TSHZ3: variants seen among roughly 807,000 people sequenced by gnomAD.
TSHZ3 encodes the protein teashirt zinc finger homeobox 3, also known as teashirt homolog 3.
A neutral mutation model predicts 64.5 loss-of-function variants in TSHZ3; 10 were observed. That is an observed-to-expected ratio of 0.16 (90% CI 0.10 to 0.26). The LOEUF (loss-of-function observed/expected upper bound fraction) is 0.26. TSHZ3 is among the 10% of genes least tolerant of loss of function. TSHZ3 has a pLI of 1.00. For synonymous variants in TSHZ3, 608 were observed against 593.1 expected (o/e 1.03, Z -0.36); for missense variants, 1,242 against 1,421.7 (o/e 0.87, Z 2.03).
At position 31,257,922 on chromosome 19, in the gene TSHZ3, T is replaced by C. The variant is rs191117185; in HGVS notation, n.64-15047A>G. On this transcript the variant is annotated intron_variant and non_coding_transcript_variant, in intron 1 of 6. Transcript: ENST00000651361. ...ACATGGGTCTTTGCCGAGGGCTAGA[T>C]TTTCCCAAACTTGGAGCCAAGCATT... Among the ~76,000 whole-genome samples the C allele has an allele frequency of 8.3e-4, 127 of 152,298 alleles. 2 individuals carry two copies. Among genetic ancestry groups the C allele is most frequent in the African/African-American group, 2.7e-3 (114 of 41,560 alleles).
intron 1 of TSHZ3, chr19:31,348,907 G>T (rs1599665638): frequency 2.4e-6 from 1 of 409,182 alleles, no homozygotes; most frequent in South Asian, 5.8e-5. Context: ...TGCAGCCGGA[G>T]AGCTGAGGAG....
In TSHZ3 at chr19:31,306,995, G is replaced by A. The variant is rs1916317799; in HGVS notation, c.41-27243C>T. On this transcript the variant is annotated intron_variant, in intron 1 of 1. Transcript: ENST00000240587. ...AGTCCTCCTTTCTAAATATTTCTTT[G>A]ACTATTTCTTTGTATTCCACCTCAT... 2.0e-5 allele frequency among the ~76,000 whole-genome samples: 3 copies of A among 151,774 alleles called. No individual in the cohort carries two copies. The South Asian group carries it at 6.3e-4, about 32-fold the overall frequency.
intron 1 of TSHZ3, among the ~76,000 whole-genome samples, chr19:31,294,697 C>T (rs943952946): frequency 6.6e-6 from 1 of 152,164 alleles, no homozygotes; most frequent in Admixed American, 6.5e-5. Flanking sequence ...AATCTATTGA[C>T]TGGTTGGCAT....
chr19:31,155,141 A>G (rs543619447), intron 6 of TSHZ3, among the ~76,000 whole-genome samples: 1 of 152,326 alleles, frequency 6.6e-6, no homozygotes, highest in South Asian at 2.1e-4. Context: ...AATCACCTGC[A>G]CTGTCTCCAT....
intron 1 of TSHZ3, among the ~76,000 whole-genome samples, chr19:31,289,187 T>C (rs1463556714): frequency 1.3e-5 from 2 of 152,310 alleles, no homozygotes; most frequent in East Asian, 3.9e-4. Context: ...CTGTCGGGAA[T>C]CTGGGAGGCA....
rs1297454116 is a variant in TSHZ3 at position 31,278,816 on chromosome 19, A to C, written c.977T>G (p.Leu326Arg). Residue 326 changes from leucine to arginine, a missense_variant, in exon 2 of 2, where the codon CTG becomes CGG. Physicochemically the swap from Leu to Arg is moderately radical, Grantham distance 102. This residue lies in a region of TSHZ3 where 555 missense variants were observed against 704.0 expected (regional missense o/e 0.79). Coordinates refer to ENST00000240587, the MANE Select transcript of TSHZ3 (RefSeq NM_020856.4). The surrounding 1 kb of genome is among the most constrained non-coding windows in gnomAD (Gnocchi z 4.7). ...TGGGGAGCTGGGGAGCTCCAGCTCCAGGGAAGCTTTCTTCCGAGTGGCAGG... is the reference window on the plus strand; with the variant it reads ...TGGGGAGCTGGGGAGCTCCAGCTCCCGGGAAGCTTTCTTCCGAGTGGCAGG... ...IIPATRKKAS[L>R]ELELPSSPDS... The C allele has an allele frequency of 1.2e-6, 2 of 1,614,074 alleles. No homozygotes were observed. Among genetic ancestry groups the C allele is most frequent in the African/African-American group, 2.7e-5 (2 of 74,940 alleles).
chr19:31,190,227 A>G (rs1224829364), intron 5 of TSHZ3, among the ~76,000 whole-genome samples: 1 of 152,208 alleles, frequency 6.6e-6, no homozygotes, highest in African/African-American at 2.4e-5. Context: ...CAATCTACGT[A>G]GATGTTCCCT....
At chr19:31,188,574 A>G (rs148133981) in intron 5 of TSHZ3, among the ~76,000 whole-genome samples, 113 of 152,070 alleles carry the variant, frequency 7.4e-4, no homozygotes, top group African/African-American at 2.6e-3. Context: ...AGTTCATCAT[A>G]TGGTTTTTTC....
At chr19:31,163,560 A>T (rs1974398944) in intron 5 of TSHZ3, among the ~76,000 whole-genome samples, 1 of 152,010 alleles carries the variant, frequency 6.6e-6, no homozygotes, top group African/African-American at 2.4e-5. Context: ...GGTGAAACCC[A>T]CCTCTACTAA....
At chr19:31,326,006 A>G (rs571593069) in intron 1 of TSHZ3, among the ~76,000 whole-genome samples, 1 of 152,290 alleles carries the variant, frequency 6.6e-6, no homozygotes, top group Non-Finnish European at 1.5e-5. Flanking sequence ...ACCTAGTTTA[A>G]AACTTTAACA....
chr19:31,203,609 G>A (rs534101513), intron 5 of TSHZ3, among the ~76,000 whole-genome samples: 7 of 152,110 alleles, frequency 4.6e-5, no homozygotes, highest in Middle Eastern at 3.4e-3. Flanking sequence ...TCCAGCCCTC[G>A]GGACGGTCAC....
upstream of TSHZ3, among the ~76,000 whole-genome samples, chr19:31,350,064 G>A (rs866283799): frequency 6.4e-3 from 437 of 68,410 alleles, 4 homozygotes; most frequent in African/African-American, 0.023. Flanking sequence ...TTCCCACCCA[G>A]CGTTCGTCCC....
rs1976265885 is a variant in TSHZ3, at chr19:31,277,580, T to C, written c.2213A>G (p.Lys738Arg). Residue 738 changes from lysine to arginine, a missense_variant, in exon 2 of 2, where the codon AAG (lysine) becomes AGG (arginine). By Grantham distance (26) the Lys-to-Arg change is conservative (BLOSUM62 2). This residue lies in a region of TSHZ3 where 550 missense variants were observed against 545.1 expected (regional missense o/e 1.01). Transcript: ENST00000240587. The surrounding 1 kb of genome is among the most constrained non-coding windows in gnomAD (Gnocchi z 4.5). ...VMNIHLGKAA[K>R]PSLPALDPMS... ...GGGGTCCAGGGCAGGCAGGGAGGGCTTGGCGGCCTTGCCCAGGTGAATGTT... is the reference window on the plus strand; with the variant it reads ...GGGGTCCAGGGCAGGCAGGGAGGGCCTGGCGGCCTTGCCCAGGTGAATGTT... The C allele has an allele frequency of 6.3e-7, 1 of 1,596,424 alleles. No individual in the cohort carries two copies. The highest frequency in any genetic ancestry group is 1.1e-5 in the South Asian group (1 of 88,372).
chr19:31,293,916 C>T (rs1976618531), intron 1 of TSHZ3, among the ~76,000 whole-genome samples: 1 of 152,164 alleles, frequency 6.6e-6, no homozygotes, highest in East Asian at 1.9e-4. Flanking sequence ...TAGAAGTTTC[C>T]ACCACCTTCC....
At position 31,294,744 on chromosome 19, in the gene TSHZ3, A is replaced by G. The variant is rs373392026; in HGVS notation, c.41-14992T>C. ...TTTCCTCTTAAGTATCCCATCTCAC[A>G]TTTTTATATTGACACTTATATAGTC... is the stretch of plus-strand genomic sequence containing the variant. On this transcript the variant is annotated intron_variant, in intron 1 of 1. Coordinates refer to ENST00000240587, the MANE Select transcript of TSHZ3 (RefSeq NM_020856.4). 1.8e-4 allele frequency among the ~76,000 whole-genome samples: 27 copies of G among 152,260 alleles called. No homozygotes were observed. In the East Asian group the frequency reaches 4.8e-3, roughly 27 times the overall value.
chr19:31,172,870 A>G (rs1974555378), intron 5 of TSHZ3, among the ~76,000 whole-genome samples: 1 of 152,210 alleles, frequency 6.6e-6, no homozygotes, highest in African/African-American at 2.4e-5. Context: ...GCCCTGGGGC[A>G]GAAGTGGGCC....
exon 7 of TSHZ3, among the ~76,000 whole-genome samples, chr19:31,150,346 G>A (rs1013022831): frequency 3.3e-5 from 5 of 152,316 alleles, no homozygotes; most frequent in South Asian, 2.1e-4. Context: ...AGGGGGATGG[G>A]CACCTCTGGG....
At chr19:31,305,303 C>T (rs1916262329) in intron 1 of TSHZ3, among the ~76,000 whole-genome samples, 2 of 146,876 alleles carry the variant, frequency 1.4e-5, no homozygotes, top group South Asian at 4.3e-4. Flanking sequence ...GTGGTGAATT[C>T]TGCTGTCTGG....
chr19:31,229,500 C>T (rs1179987887), intron 3 of TSHZ3, among the ~76,000 whole-genome samples: 2 of 151,868 alleles, frequency 1.3e-5, no homozygotes, highest in East Asian at 3.9e-4. Flanking sequence ...AAATGTCAAG[C>T]GGATTATAAA....
Sources: gnomAD v4.1 joint callset for allele counts (sites outside exome capture counted in the v4.1 genomes callset) on GRCh38, gnomAD v4.1.1 for gene constraint, gnomAD v4.1.1 regional missense constraint, Gnocchi (gnomAD v3.1) non-coding constraint, MANE v1.5 for transcripts, NCBI Gene and HGNC (gene_info 2026-07-23, HGNC 2026-07-21) for gene names.